SLC39A11: variants seen among roughly 807,000 people sequenced by gnomAD.
SLC39A11 encodes the protein zinc transporter ZIP11.
SLC39A11 carries 33 observed loss-of-function variants against 36.1 expected under a neutral mutation model. The observed-to-expected ratio is 0.91, with a 90% confidence interval of 0.69 to 1.22. The LOEUF (loss-of-function observed/expected upper bound fraction) is 1.22, where lower values mean the gene tolerates loss of function less well. Among genes scored for constraint, SLC39A11 ranks in the 50% most tolerant of loss-of-function variants. The pLI, the probability that SLC39A11 is intolerant of heterozygous loss-of-function variation, is 0.00. For synonymous variants in SLC39A11, 166 were observed against 170.3 expected (o/e 0.97, Z 0.20); for missense variants, 432 against 430.3 (o/e 1.00, Z -0.03).
chr17:72,739,790 T>G (rs1247963551), intron 6 of SLC39A11, among the ~76,000 whole-genome samples: 2 of 152,196 alleles, frequency 1.3e-5, no homozygotes, highest in Non-Finnish European at 2.9e-5. Flanking sequence ...TTTTTAAAAA[T>G]TATTTTTTAT....
chr17:72,917,490 A>G (rs1001716599), intron 5 of SLC39A11, among the ~76,000 whole-genome samples: 5 of 152,238 alleles, frequency 3.3e-5, no homozygotes, highest in Non-Finnish European at 7.3e-5. Flanking sequence ...GACAAAGAGC[A>G]TGACCACTTC....
chr17:72,687,241 G>C (rs960151874), intron 7 of SLC39A11, among the ~76,000 whole-genome samples: 1 of 151,736 alleles, frequency 6.6e-6, no homozygotes, highest in African/African-American at 2.4e-5. Context: ...ACGTTGCCCA[G>C]GCTGGCAAAC....
Position 73,068,107 on chromosome 17 carries a change from A to G in SLC39A11, c.147+16701T>C, listed in dbSNP as rs1014649022. ...TTTTCATAATAGGAGTATCTCCCAC[A>G]GCCTTTAGCAAAATGTCAATTTTTT... is the stretch of plus-strand genomic sequence containing the variant. On this transcript the variant is annotated intron_variant, in intron 3 of 9. Coordinates refer to ENST00000255559, the MANE Select transcript of SLC39A11 (RefSeq NM_139177.4). The G allele has an allele frequency of 2.9e-6, 4 of 1,396,862 alleles. No homozygotes were observed. The African/African-American group carries it at 5.8e-5, about 20-fold the overall frequency. The allele number at this position is 1,396,862 out of a possible 1,614,324, so 86.5% of individuals were successfully genotyped here.
At position 72,937,154 on chromosome 17, in the gene SLC39A11, C is replaced by G. The variant is rs150313546; in HGVS notation, c.430+10598G>C. Among the ~76,000 whole-genome samples, 475 of 152,338 alleles carry G rather than the reference C, an allele frequency of 3.1e-3. 1 individual carries two copies. Among genetic ancestry groups the G allele is most frequent in the Non-Finnish European group, 5.6e-3 (379 of 68,034 alleles). On this transcript the variant is annotated intron_variant, in intron 5 of 9. Transcript: ENST00000255559. The stretch of plus-strand genomic sequence containing the variant: ...TCCTCATACCTTGAATAAAATCTCA[C>G]TGGCAGTCAGATACATTGGCTCACG...
intron 5 of SLC39A11, among the ~76,000 whole-genome samples, chr17:72,909,469 A>C (rs1296911098): frequency 6.6e-6 from 1 of 152,210 alleles, no homozygotes; most frequent in East Asian, 1.9e-4. Flanking sequence ...CTCTGGAGAA[A>C]GCAAACTGGA....
intron 7 of SLC39A11, among the ~76,000 whole-genome samples, chr17:72,678,893 G>C (rs28671338): frequency 0.043 from 6,522 of 152,154 alleles, 454 homozygotes; most frequent in African/African-American, 0.15. Context: ...AGAGAAAAAT[G>C]GATAAAGAAA....
intron 5 of SLC39A11, among the ~76,000 whole-genome samples, chr17:72,896,178 T>A (rs1233428781): frequency 6.7e-6 from 1 of 150,312 alleles, no homozygotes; most frequent in Non-Finnish European, 1.5e-5. Flanking sequence ...ATTTGGGGAT[T>A]GTTCACATTA....
At chr17:72,749,804 T>C (rs546408869) in intron 6 of SLC39A11, among the ~76,000 whole-genome samples, 1 of 152,142 alleles carries the variant, frequency 6.6e-6, no homozygotes, top group Admixed American at 6.5e-5. Flanking sequence ...ATGCTGCCTC[T>C]GAGGTGGGTA....
intron 4 of SLC39A11, among the ~76,000 whole-genome samples, chr17:73,019,039 C>T (rs190256802): frequency 4.6e-5 from 7 of 152,110 alleles, no homozygotes; most frequent in Admixed American, 4.6e-4. Context: ...CTTCAACGTC[C>T]TAAAAGCAAA....
At chr17:72,859,004 T>C (rs1028849563) in intron 5 of SLC39A11, among the ~76,000 whole-genome samples, 11 of 152,230 alleles carry the variant, frequency 7.2e-5, no homozygotes, top group Admixed American at 6.5e-5. Flanking sequence ...TCTTGACTGA[T>C]TGCTTAGGCC....
chr17:73,045,372 C>T lies in SLC39A11; in HGVS notation c.148-13658G>A, dbSNP rs1478606277. ...AGTCACCTAATTCTACCTCCAGTGC[C>T]ATGAAAACAGAGTTAAAAAAAAAAA... On this transcript the variant is annotated intron_variant, in intron 3 of 9. Transcript: ENST00000255559. Among the ~76,000 whole-genome samples, 3 of 101,874 alleles carry T rather than the reference C, an allele frequency of 2.9e-5. No individual in the cohort carries two copies. The Admixed American group carries it at 4.3e-4, about 15-fold the overall frequency. 66.8% of individuals were successfully genotyped at this position (101,874 alleles called of 152,430 possible). A position where few individuals can be genotyped will look rare whatever the true frequency, so the allele number is the denominator to read the frequency against.
At chr17:72,913,586 G>A (rs2083149383) in intron 5 of SLC39A11, among the ~76,000 whole-genome samples, 4 of 152,244 alleles carry the variant, frequency 2.6e-5, no homozygotes, top group African/African-American at 9.6e-5. Flanking sequence ...GGGGAGAGAG[G>A]TAGAGATTTG....
At chr17:72,970,374 T>G (rs978161007) in intron 4 of SLC39A11, among the ~76,000 whole-genome samples, 1 of 152,182 alleles carries the variant, frequency 6.6e-6, no homozygotes, top group African/African-American at 2.4e-5. Context: ...AAGAGCTTAT[T>G]ACAAGTAACA....
chr17:72,850,657 T>G (rs1260824999), intron 5 of SLC39A11, among the ~76,000 whole-genome samples: 1 of 152,196 alleles, frequency 6.6e-6, no homozygotes, highest in Admixed American at 6.5e-5. Flanking sequence ...AGCTGTGTAG[T>G]GCCAAATAAG....
At chr17:72,809,037 C>T (rs879058387) in intron 6 of SLC39A11, among the ~76,000 whole-genome samples, 1 of 152,216 alleles carries the variant, frequency 6.6e-6, no homozygotes, top group African/African-American at 2.4e-5. Context: ...TTGGATTTAT[C>T]TGTGCTGTGG....
intron 3 of SLC39A11, among the ~76,000 whole-genome samples, chr17:73,061,711 G>T (rs1381966908): frequency 2.0e-5 from 3 of 152,154 alleles, no homozygotes; most frequent in Non-Finnish European, 4.4e-5. Context: ...AAAGTTCTGT[G>T]CAGGCTGGGC....
rs138178980 is a variant in SLC39A11, at chr17:72,919,882, G to A, written c.430+27870C>T. On this transcript the variant is annotated intron_variant, in intron 5 of 9. Transcript: ENST00000255559. ...CTGGAATTCACTTTCGGAGAGCCGG[G>A]TGGACAAGCACAAACGTGGTCACAA... Among the ~76,000 whole-genome samples the A allele has an allele frequency of 3.7e-4, 56 of 152,216 alleles. No individual in the cohort carries two copies. In the East Asian group the frequency reaches 0.01, roughly 28 times the overall value.
intron 6 of SLC39A11, among the ~76,000 whole-genome samples, chr17:72,795,027 C>T (rs1407134989): frequency 6.6e-6 from 1 of 152,034 alleles, no homozygotes; most frequent in Non-Finnish European, 1.5e-5. Context: ...GTTATCAGCC[C>T]AAAGTGAAGT....
chr17:72,815,079 G>A (rs1398090337), intron 6 of SLC39A11, among the ~76,000 whole-genome samples: 1 of 152,184 alleles, frequency 6.6e-6, no homozygotes, highest in Non-Finnish European at 1.5e-5. Context: ...CAACCCAGGA[G>A]TTATTGGTGG....
Sources: allele counts gnomAD v4.1 joint callset (sites outside exome capture counted in the v4.1 genomes callset), GRCh38; gene constraint gnomAD v4.1.1; transcripts MANE v1.5; gene names NCBI Gene and HGNC (gene_info 2026-07-23, HGNC 2026-07-21).